Variants in MGST1 observed in about 807,000 individuals in gnomAD.
MGST1 encodes microsomal glutathione S-transferase 1.
A neutral mutation model predicts 8.9 loss-of-function variants in MGST1; 5 were observed. The ratio of observed to expected loss-of-function variants is 0.56; its 90% CI spans 0.29 to 1.19. MGST1 has a LOEUF of 1.19. Ranked by LOEUF, MGST1 falls within the 50% of genes most tolerant of loss-of-function variation. The probability of loss-of-function intolerance (pLI) is 0.08; values close to 1 mark genes in which losing one functional copy is unlikely to be tolerated. For missense variants in MGST1, 182 were observed against 187.4 expected (o/e 0.97, Z 0.17); for synonymous variants, 54 against 67.8 (o/e 0.80, Z 1.00).
At position 16,517,384 on chromosome 12, in the gene MGST1, T is replaced by C. The variant is rs1399710101; in HGVS notation, n.483-72144T>C. ...CACAGGAGTGAATTTGTTATAAAAG[T>C]AAGTTTGGCTTCCTCTTGTTCTTTC... On this transcript the variant is annotated intron_variant and non_coding_transcript_variant, in intron 4 of 4. Coordinates refer to the MGST1 transcript ENST00000538857. This position sits in a 1 kb window ranked among gnomAD's most constrained non-coding sequence, Gnocchi z 4.2. Among the ~76,000 whole-genome samples the C allele has an allele frequency of 6.6e-6, 1 of 152,182 alleles. No individual in the cohort carries two copies. Among genetic ancestry groups the C allele is most frequent in the Non-Finnish European group, 1.5e-5 (1 of 68,032 alleles).
intron 2 of MGST1, among the ~76,000 whole-genome samples, chr12:16,356,704 G>C (rs1357362857): frequency 1.3e-5 from 2 of 152,188 alleles, no homozygotes; most frequent in African/African-American, 4.8e-5. Context: ...ATACATGAAT[G>C]TGTACTTCTT....
Position 16,483,757 on chromosome 12 carries a change from ATAATGGGAGATTT to A in MGST1, n.482+100158_482+100170del, listed in dbSNP as rs532125373. On this transcript the variant is annotated intron_variant and non_coding_transcript_variant, in intron 4 of 4. Coordinates refer to the MGST1 transcript ENST00000538857. ...AGTATATATTGTCAATTTCATTATC[ATAATGGGAGATTT>A]TAATACACTTCTTTCATAAAAATTA... 1.5e-4 allele frequency among the ~76,000 whole-genome samples: 23 copies of A among 152,354 alleles called. No homozygotes were observed. The South Asian group carries it at 4.6e-3, about 30-fold the overall frequency.
At chr12:16,360,093 C>T (rs1939916940) in intron 3 of MGST1, among the ~76,000 whole-genome samples, 1 of 152,198 alleles carries the variant, frequency 6.6e-6, no homozygotes, top group Admixed American at 6.6e-5. Context: ...GGTGATGAGA[C>T]ACTGGCTTTT....
chr12:16,409,551 TA>T (rs1940725734), intron 1 of MGST1, among the ~76,000 whole-genome samples: 2 of 152,108 alleles, frequency 1.3e-5, no homozygotes, highest in African/African-American at 4.8e-5. Flanking sequence ...CTCTGAAGTA[TA>T]AATGAATCCT....
Position 16,401,467 on chromosome 12 carries a change from C to T in MGST1, n.778+17863C>T, listed in dbSNP as rs1940655205. On this transcript the variant is annotated intron_variant and non_coding_transcript_variant, in intron 1 of 1. Transcript: ENST00000359720. This position sits in a 1 kb window ranked among gnomAD's most constrained non-coding sequence, Gnocchi z 4.3. Reference sequence around the variant, plus strand: ...ATTATATACATCACATATCTTCACACCATGTCTTAATTCCTTCAGCAGCTC... The same window carrying T: ...ATTATATACATCACATATCTTCACATCATGTCTTAATTCCTTCAGCAGCTC... The T allele has an allele frequency of 3.6e-6, 3 of 837,592 alleles. No homozygotes were observed. The highest frequency in any genetic ancestry group is 3.6e-5 in the Admixed American group (2 of 55,604). 51.9% of individuals were successfully genotyped at this position (837,592 alleles called of 1,614,324 possible).
intron 4 of MGST1, among the ~76,000 whole-genome samples, chr12:16,579,546 T>C (rs1454975329): frequency 6.6e-6 from 1 of 152,134 alleles, no homozygotes; most frequent in African/African-American, 2.4e-5. Flanking sequence ...TATGGCCTAA[T>C]AATTTGAAAA....
intron 4 of MGST1, among the ~76,000 whole-genome samples, chr12:16,462,792 C>T (rs927732735): frequency 2.6e-5 from 4 of 152,106 alleles, no homozygotes; most frequent in Non-Finnish European, 4.4e-5. Context: ...CCCAAGATCA[C>T]GTGGTAGCTA....
At position 16,586,801 on chromosome 12, in the gene MGST1, C is replaced by T. The variant is rs751803797; in HGVS notation, n.483-2727C>T. ...TTGCATTACTTTTGTAACCTTTCTC[C>T]CAAAGGAACATGTAAGCCATACACA... On this transcript the variant is annotated intron_variant and non_coding_transcript_variant, in intron 4 of 4. Transcript: ENST00000538857. This position sits in a 1 kb window ranked among gnomAD's most constrained non-coding sequence, Gnocchi z 4.3. 2.6e-5 allele frequency among the ~76,000 whole-genome samples: 4 copies of T among 152,116 alleles called. No individual in the cohort carries two copies. The highest frequency in any genetic ancestry group is 4.4e-5 in the Non-Finnish European group (3 of 68,030).
intron 3 of MGST1, among the ~76,000 whole-genome samples, chr12:16,372,683 A>T (rs1940313458): frequency 6.6e-6 from 1 of 151,980 alleles, no homozygotes; most frequent in South Asian, 2.1e-4. Context: ...CTGGGTGTAT[A>T]TTCGAAAGAA....
At chr12:16,508,918 A>G (rs1352064139) in intron 4 of MGST1, among the ~76,000 whole-genome samples, 1 of 152,194 alleles carries the variant, frequency 6.6e-6, no homozygotes, top group Non-Finnish European at 1.5e-5. Context: ...TATGAATAGT[A>G]GGTGGTTAGG....
chr12:16,591,721 G>A (rs2137627706), downstream of MGST1, among the ~76,000 whole-genome samples: 1 of 152,112 alleles, frequency 6.6e-6, no homozygotes, highest in African/African-American at 2.4e-5. The surrounding 1 kb of genome is among the most constrained non-coding windows in gnomAD (Gnocchi z 4.1). Context: ...ATAAGAGATG[G>A]AACAATACAA....
At chr12:16,368,202 A>T (rs577822618), downstream of MGST1, among the ~76,000 whole-genome samples, 74 of 152,322 alleles carry the variant, frequency 4.9e-4, no homozygotes, top group Middle Eastern at 3.4e-3. Context: ...GGAGAAGGGC[A>T]TGGAGTTTCG....
intron 1 of MGST1, among the ~76,000 whole-genome samples, chr12:16,399,107 C>T (rs1156437294): frequency 6.6e-6 from 1 of 152,170 alleles, no homozygotes; most frequent in Non-Finnish European, 1.5e-5. Flanking sequence ...TCCTGGTGGG[C>T]CTGGAATGCT....
downstream of MGST1, among the ~76,000 whole-genome samples, chr12:16,367,690 G>C (rs1370748350): frequency 6.6e-6 from 1 of 152,164 alleles, no homozygotes; most frequent in East Asian, 1.9e-4. Context: ...TTAAGACTAA[G>C]ACAATCTGAC....
Position 16,546,620 on chromosome 12 carries a change from A to T in MGST1, n.483-42908A>T, listed in dbSNP as rs1246584416. 2.0e-5 allele frequency among the ~76,000 whole-genome samples: 3 copies of T among 152,166 alleles called. No individual in the cohort carries two copies. The highest frequency in any genetic ancestry group is 2.1e-4 in the South Asian group (1 of 4,834). ...AATTCTTTTAATTAAAAACATTTTT[A>T]AAAAGTTCAGTGTGTGTAATTGTTA... On this transcript the variant is annotated intron_variant and non_coding_transcript_variant, in intron 4 of 4. Transcript: ENST00000538857. The surrounding 1 kb of genome is among the most constrained non-coding windows in gnomAD (Gnocchi z 4.7).
Position 16,537,665 on chromosome 12 carries a change from C to A in MGST1, n.483-51863C>A, listed in dbSNP as rs914935362. Among the ~76,000 whole-genome samples the A allele has an allele frequency of 3.9e-5, 6 of 152,228 alleles. No homozygotes were observed. The highest frequency in any genetic ancestry group is 1.4e-4 in the African/African-American group (6 of 41,470). On this transcript the variant is annotated intron_variant and non_coding_transcript_variant, in intron 4 of 4. Transcript: ENST00000538857. The surrounding 1 kb of genome is among the most constrained non-coding windows in gnomAD (Gnocchi z 4.6). ...GACTTCTGTGCACCTGCAGACTCAACACCATGTGAAAGGTGCCAAGGTTTG... is the reference window on the plus strand; with the variant it reads ...GACTTCTGTGCACCTGCAGACTCAAAACCATGTGAAAGGTGCCAAGGTTTG...
intron 1 of MGST1, among the ~76,000 whole-genome samples, chr12:16,433,903 C>A (rs929654): frequency 0.26 from 39,689 of 151,950 alleles, 6,300 homozygotes; most frequent in Non-Finnish European, 0.35. Context: ...ATCCAGTAGT[C>A]CATGTCAATT....
At chr12:16,495,128 C>T (rs1445576808) in intron 4 of MGST1, among the ~76,000 whole-genome samples, 2 of 152,082 alleles carry the variant, frequency 1.3e-5, no homozygotes, top group Non-Finnish European at 2.9e-5. Flanking sequence ...CTACAATGTC[C>T]AGGATAACAA....
chr12:16,452,278 T>C (rs188204187), intron 4 of MGST1, among the ~76,000 whole-genome samples: 173 of 151,856 alleles, frequency 1.1e-3, no homozygotes, highest in Middle Eastern at 0.01. Context: ...ATTGGTCTTG[T>C]CCTAAGAGAA....
Sources: gnomAD v4.1 joint callset for allele counts (sites outside exome capture counted in the v4.1 genomes callset) on GRCh38, gnomAD v4.1.1 for gene constraint, Gnocchi (gnomAD v3.1) non-coding constraint, MANE v1.5 for transcripts, NCBI Gene and HGNC (gene_info 2026-07-23, HGNC 2026-07-21) for gene names.